The following GCGR variants were observed in gnomAD, a reference collection of about 807,000 sequenced individuals.
GCGR encodes glucagon receptor.
Under a neutral mutation model 56.1 loss-of-function variants are expected in GCGR, and 41 were observed. The observed-to-expected ratio is 0.73, with a 90% CI of 0.57 to 0.95. The LOEUF is 0.95. Ranked by LOEUF, GCGR falls within the 40% of genes least tolerant of loss-of-function variation. The pLI is 0.00. For synonymous variants in GCGR, 278 were observed against 271.1 expected (o/e 1.03, Z -0.25); for missense variants, 595 against 638.2 (o/e 0.93, Z 0.73).
Position 81,813,654 on chromosome 17 carries a change from G to C in GCGR, c.1399G>C (p.Gly467Arg). 1.3e-6 allele frequency: 2 copies of C among 1,535,990 alleles called. No homozygotes were observed. The highest frequency in any genetic ancestry group is 1.7e-6 in the Non-Finnish European group (2 of 1,146,766). ...TTCATCTGCGGAGACCCCCTTGGCT[G>C]GTGGCCTCCCTAGATTGGCTGAGAG... ...QDSSAETPLA[G>R]GLPRLAESPF Residue 467 changes from glycine (G) to arginine (R), a missense_variant, in exon 14 of 14, where the codon GGT becomes CGT. Coordinates refer to ENST00000400723, the MANE Select transcript of GCGR (RefSeq NM_000160.5). The surrounding 1 kb of genome is among the most constrained non-coding windows in gnomAD (Gnocchi z 5.3).
chr17:81,811,103 A>G lies in GCGR; in HGVS notation c.365A>G (p.Gln122Arg). The G allele has an allele frequency of 1.3e-6, 2 of 1,536,230 alleles. No homozygotes were observed. Among genetic ancestry groups the G allele is most frequent in the Non-Finnish European group, 1.7e-6 (2 of 1,146,820 alleles). Residue 122 changes from glutamine (Q) to arginine (R), a missense_variant, in exon 5 of 14, where the codon CAG (glutamine) becomes CGG (arginine). Transcript: ENST00000400723. This position sits in a 1 kb window ranked among gnomAD's most constrained non-coding sequence, Gnocchi z 5.8. Reference sequence around the variant, plus strand: ...CCTTGGCGTGATGCCTCCCAGTGCCAGATGGATGGCGAGGAGATTGAGGTC... The same window carrying G: ...CCTTGGCGTGATGCCTCCCAGTGCCGGATGGATGGCGAGGAGATTGAGGTC... ...GQPWRDASQC[Q>R]MDGEEIEVQK...
rs2143141640 is a variant in GCGR at position 81,812,502 on chromosome 17, A to T, written c.949-75A>T. On this transcript the variant is annotated intron_variant, in intron 10 of 13. Coordinates refer to ENST00000400723, the MANE Select transcript of GCGR (RefSeq NM_000160.5). This position sits in a 1 kb window ranked among gnomAD's most constrained non-coding sequence, Gnocchi z 8.5. ...TGCCAGGCCCACCTGCAGGAGGGTC[A>T]GGTGGGGCCTTCCAAGGGCACAGAG... The T allele has an allele frequency of 1.3e-5, 18 of 1,387,214 alleles. No homozygotes were observed. The South Asian group carries it at 2.3e-4, about 18-fold the overall frequency. 85.9% of individuals were successfully genotyped at this position (1,387,214 alleles called of 1,614,324 possible).
At chr17:81,807,716 C>T (rs1451565759) in intron 1 of GCGR, among the ~76,000 whole-genome samples, 2 of 152,378 alleles carry the variant, frequency 1.3e-5, no homozygotes, top group East Asian at 3.9e-4. Context: ...TAGCCAGCCA[C>T]TCGCGGGACC....
chr17:81,812,121 G>A lies in GCGR; in HGVS notation c.879-62G>A, dbSNP rs1001115696. ...TAGATCCTGGCAAAATCGGGACGGGGGTGCTGAGGGGCGGAGGGGCTGGGG... is the reference window on the plus strand; with the variant it reads ...TAGATCCTGGCAAAATCGGGACGGGAGTGCTGAGGGGCGGAGGGGCTGGGG... On this transcript the variant is annotated intron_variant, in intron 9 of 13. Transcript: ENST00000400723. The surrounding 1 kb of genome is among the most constrained non-coding windows in gnomAD (Gnocchi z 8.5). 15 of 1,527,720 alleles carry A rather than the reference G, an allele frequency of 9.8e-6. No individual in the cohort carries two copies. The highest frequency in any genetic ancestry group is 1.1e-5 in the Non-Finnish European group (12 of 1,139,828). 94.6% of individuals were successfully genotyped at this position (1,527,720 alleles called of 1,614,324 possible).
chr17:81,812,899 T>C lies in GCGR; in HGVS notation c.1130T>C (p.Leu377Pro). ...FVTDEHAQGT[L>P]RSAKLFFDLF... ...ACGGACGAGCACGCCCAGGGCACCC[T>C]GCGCTCCGCCAAGCTCTTCTTCGAC... The change falls in exon 12 of 14, where the codon CTG becomes CCG. Residue 377 changes from leucine (L) to proline (P), a missense_variant. Physicochemically the swap from Leu to Pro is moderately conservative, Grantham distance 98. Coordinates refer to ENST00000400723, the MANE Select transcript of GCGR (RefSeq NM_000160.5). The surrounding 1 kb of genome is among the most constrained non-coding windows in gnomAD (Gnocchi z 8.5). 2.6e-6 allele frequency: 4 copies of C among 1,536,092 alleles called. No individual in the cohort carries two copies. Among genetic ancestry groups the C allele is most frequent in the Non-Finnish European group, 2.6e-6 (3 of 1,146,760 alleles).
intron 1 of GCGR, among the ~76,000 whole-genome samples, chr17:81,805,820 G>A (rs1234049865): frequency 6.6e-6 from 1 of 152,158 alleles, no homozygotes; most frequent in African/African-American, 2.4e-5. Flanking sequence ...CCTACCAGCT[G>A]TGTCGCCGGA....
rs568987633 is a variant in GCGR at position 81,813,065 on chromosome 17, G to A, written c.1218+8G>A. On this transcript the variant is annotated splice_region_variant and intron_variant, in intron 13 of 13. Transcript: ENST00000400723. The surrounding 1 kb of genome is among the most constrained non-coding windows in gnomAD (Gnocchi z 5.3). ...TGCTTCCTCAACAAGGAGGTAGGTG[G>A]GAGTGGGGGCATCTGAGACCATCAG... is the stretch of plus-strand genomic sequence containing the variant. 2.1e-4 allele frequency: 322 copies of A among 1,535,876 alleles called. 8 individuals are homozygous for A. In the South Asian group the frequency reaches 3.6e-3, roughly 17 times the overall value.
rs1335898309 is a variant in GCGR at position 81,810,942 on chromosome 17, G to A, written c.271+10G>A. The stretch of plus-strand genomic sequence containing the variant: ...CCTTGGCACCACAAAGGTACCCATA[G>A]AGGGGAGGAACTGTGGGGGGGGCGG... On this transcript the variant is annotated intron_variant, in intron 4 of 13. Transcript: ENST00000400723. This position sits in a 1 kb window ranked among gnomAD's most constrained non-coding sequence, Gnocchi z 4.6. 4 of 1,536,248 alleles carry A rather than the reference G, an allele frequency of 2.6e-6. No homozygotes were observed. The highest frequency in any genetic ancestry group is 1.4e-5 in the African/African-American group (1 of 73,026).
At chr17:81,807,671 C>T (rs2037990962) in intron 1 of GCGR, among the ~76,000 whole-genome samples, 1 of 152,252 alleles carries the variant, frequency 6.6e-6, no homozygotes, top group Non-Finnish European at 1.5e-5. Context: ...TTTGAGGGTG[C>T]CCCAAAGAAG....
Position 81,811,920 on chromosome 17 carries a change from G to A in GCGR, c.852G>A (p.Val284=). 2 of 1,537,110 alleles carry A rather than the reference G, an allele frequency of 1.3e-6. No individual in the cohort carries two copies. The highest frequency in any genetic ancestry group is 1.7e-6 in the Non-Finnish European group (2 of 1,146,888). ...TGCTGTTCGTCGTCCCCTGGGCAGT[G>A]GTCAAGTGTCTGTTCGAGAACGTCC... is the stretch of plus-strand genomic sequence containing the variant. ...APMLFVVPWA[V]VKCLFENVQC... The change falls in exon 9 of 14, where the codon GTG becomes GTA. Residue 284 remains valine (V), a synonymous_variant. Coordinates refer to ENST00000400723, the MANE Select transcript of GCGR (RefSeq NM_000160.5). The surrounding 1 kb of genome is among the most constrained non-coding windows in gnomAD (Gnocchi z 5.8).
intron 1 of GCGR, among the ~76,000 whole-genome samples, chr17:81,807,136 C>T (rs2037981204): frequency 6.6e-6 from 1 of 152,156 alleles, no homozygotes; most frequent in South Asian, 2.1e-4. Context: ...TGCGTGACCC[C>T]AGAGCTGGGG....
Position 81,809,775 on chromosome 17 carries a change from C to T in GCGR, c.61-7C>T. The stretch of plus-strand genomic sequence containing the variant: ...TCTGTCTGGTTGCTTGTGCATGTGT[C>T]CCCCAGCCACAGGTCCCCTCCGCTC... On this transcript the variant is annotated splice_region_variant and splice_polypyrimidine_tract_variant and intron_variant, in intron 2 of 13. Coordinates refer to ENST00000400723, the MANE Select transcript of GCGR (RefSeq NM_000160.5). The T allele has an allele frequency of 2.0e-6, 3 of 1,534,126 alleles. No individual in the cohort carries two copies. Among genetic ancestry groups the T allele is most frequent in the Non-Finnish European group, 2.6e-6 (3 of 1,144,788 alleles).
rs976328233 is a variant in GCGR, at chr17:81,813,109, G to C, written c.1218+52G>C. The C allele has an allele frequency of 2.0e-6, 3 of 1,534,416 alleles. No homozygotes were observed. Among genetic ancestry groups the C allele is most frequent in the Non-Finnish European group, 2.6e-6 (3 of 1,146,560 alleles). ...CCATCAGCACTGGCCGTCGGGGTCA[G>C]GGGCAGAGAGAGGCACAGGGATGCC... is the stretch of plus-strand genomic sequence containing the variant. On this transcript the variant is annotated intron_variant, in intron 13 of 13. Coordinates refer to ENST00000400723, the MANE Select transcript of GCGR (RefSeq NM_000160.5). The surrounding 1 kb of genome is among the most constrained non-coding windows in gnomAD (Gnocchi z 5.3).
rs1361463023 is a variant in GCGR, at chr17:81,813,569, G to A, written c.1314G>A (p.Ser438=). The stretch of plus-strand genomic sequence containing the variant: ...CCAGCAACCACAGGGCCTCATCTTC[G>A]CCCGGCCACGGCCCTCCCAGCAAGG... The part of the protein sequence containing the change: ...RNTSNHRASS[S]PGHGPPSKEL... The change falls in exon 14 of 14, where the codon TCG becomes TCA. Residue 438 remains serine (S), a synonymous_variant. Transcript: ENST00000400723. This position sits in a 1 kb window ranked among gnomAD's most constrained non-coding sequence, Gnocchi z 5.3. 6 of 1,536,276 alleles carry A rather than the reference G, an allele frequency of 3.9e-6. No homozygotes were observed. Among genetic ancestry groups the A allele is most frequent in the South Asian group, 2.4e-5 (2 of 84,066 alleles).
In GCGR at chr17:81,812,882, G is replaced by T; in HGVS notation, c.1113G>T (p.Glu371Asp). ...TGGTCTTCGCCTTCGTGACGGACGA[G>T]CACGCCCAGGGCACCCTGCGCTCCG... ...HEVVFAFVTD[E>D]HAQGTLRSAK... The change falls in exon 12 of 14, where the codon GAG becomes GAT. Residue 371 changes from glutamate (E) to aspartate (D), a missense_variant. Physicochemically the swap from Glu to Asp is conservative, Grantham distance 45. Coordinates refer to ENST00000400723, the MANE Select transcript of GCGR (RefSeq NM_000160.5). This position sits in a 1 kb window ranked among gnomAD's most constrained non-coding sequence, Gnocchi z 8.5. The T allele has an allele frequency of 6.5e-7, 1 of 1,536,108 alleles. No individual in the cohort carries two copies. Among genetic ancestry groups the T allele is most frequent in the Non-Finnish European group, 8.7e-7 (1 of 1,146,762 alleles).
At chr17:81,809,502 T>C (rs1190409157) in intron 2 of GCGR, among the ~76,000 whole-genome samples, 2 of 107,024 alleles carry the variant, frequency 1.9e-5, no homozygotes, top group African/African-American at 5.9e-5. Flanking sequence ...TGCCTGTCCG[T>C]CTGCCTGCCT....
At chr17:81,807,155 A>C (rs538366294) in intron 1 of GCGR, among the ~76,000 whole-genome samples, 1 of 152,098 alleles carries the variant, frequency 6.6e-6, no homozygotes, top group South Asian at 2.1e-4. Flanking sequence ...GGACGCCAAA[A>C]CTGCCCCTCC....
intron 1 of GCGR, among the ~76,000 whole-genome samples, chr17:81,805,611 G>A (rs1490120660): frequency 6.8e-6 from 1 of 146,242 alleles, no homozygotes; most frequent in Non-Finnish European, 1.5e-5. Context: ...TGGGCACCTC[G>A]GGAACCCTCC....
chr17:81,812,117 C>T lies in GCGR; in HGVS notation c.879-66C>T, dbSNP rs952473259. On this transcript the variant is annotated intron_variant, in intron 9 of 13. Coordinates refer to ENST00000400723, the MANE Select transcript of GCGR (RefSeq NM_000160.5). The surrounding 1 kb of genome is among the most constrained non-coding windows in gnomAD (Gnocchi z 8.5). Reference sequence around the variant, plus strand: ...GAATTAGATCCTGGCAAAATCGGGACGGGGGTGCTGAGGGGCGGAGGGGCT... The same window carrying T: ...GAATTAGATCCTGGCAAAATCGGGATGGGGGTGCTGAGGGGCGGAGGGGCT... 5.0e-5 allele frequency: 66 copies of T among 1,309,604 alleles called. No homozygotes were observed. The highest frequency in any genetic ancestry group is 6.2e-5 in the African/African-American group (4 of 64,370). 81.1% of individuals were successfully genotyped at this position (1,309,604 alleles called of 1,614,324 possible).
Sources: allele counts gnomAD v4.1 joint callset (sites outside exome capture counted in the v4.1 genomes callset), GRCh38; gene constraint gnomAD v4.1.1; non-coding constraint Gnocchi (gnomAD v3.1); transcripts MANE v1.5; gene names NCBI Gene and HGNC (gene_info 2026-07-23, HGNC 2026-07-21).